The following NOL11 variants were observed in gnomAD, a reference collection of about 807,000 sequenced individuals.
The protein encoded by NOL11 is nucleolar protein 11.
In NOL11, 42 loss-of-function variants were observed where a neutral mutation model predicts 93.0. The observed-to-expected ratio is 0.45, with a 90% CI of 0.35 to 0.58. The LOEUF (loss-of-function observed/expected upper bound fraction) is 0.58, where lower values mean the gene tolerates loss of function less well. Among genes scored for constraint, NOL11 ranks in the 20% least tolerant of loss-of-function variants. NOL11 has a pLI of 0.00. For missense variants in NOL11, 775 were observed against 841.8 expected (o/e 0.92, Z 0.98); for synonymous variants, 296 against 293.7 (o/e 1.01, Z -0.08).
chr17:67,738,779 C>A, intron 14 of NOL11, 153 bp from the exon 15 acceptor site: 1 of 576,816 alleles, frequency 1.7e-6, no homozygotes. Flanking sequence ...CACATGATCT[C>A]CAATGATTAG....
In NOL11 at chr17:67,725,236, A is replaced by G. The variant is rs892221151; in HGVS notation, c.664+1043A>G. 3.3e-5 allele frequency among the ~76,000 whole-genome samples: 5 copies of G among 152,158 alleles called. No individual in the cohort carries two copies. The East Asian group carries it at 5.8e-4, about 18-fold the overall frequency. On this transcript the variant is annotated intron_variant, in intron 6 of 17. Coordinates refer to ENST00000253247, the MANE Select transcript of NOL11 (RefSeq NM_015462.5). ...GCCCCTCTGCTCCTTTTTTCCAACC[A>G]TTAGATTTAGTATGCCCTTCCTTGA... is the stretch of plus-strand genomic sequence containing the variant.
intron 15 of NOL11, 116 bp from the exon 16 acceptor site, chr17:67,739,400 C>G: frequency 1.6e-6 from 1 of 615,036 alleles, no homozygotes; most frequent in Non-Finnish European, 2.8e-6. Flanking sequence ...CTCCAGATGT[C>G]TGGCGTATTT....
chr17:67,737,720 C>A (rs147787290), intron 12 of NOL11, 28 bp downstream of exon 12: 1 of 1,596,210 alleles, frequency 6.3e-7, no homozygotes, highest in Non-Finnish European at 8.5e-7. Flanking sequence ...CCACACTGTA[C>A]GTGCATAATT....
rs766269065 is a variant in NOL11 at position 67,720,300 on chromosome 17, C to CT, written c.312+356dup. Reference sequence around the variant, plus strand: ...AAGTTTCGTGTATTGGTGTATTGTACTTTTTTTTTTTTTTTTTTGAGACGG... The same window carrying CT: ...AAGTTTCGTGTATTGGTGTATTGTACTTTTTTTTTTTTTTTTTTTGAGACGG... On this transcript the variant is annotated intron_variant, in intron 3 of 17. Coordinates refer to ENST00000253247, the MANE Select transcript of NOL11 (RefSeq NM_015462.5). 0.018 allele frequency: 2,420 copies of CT among 132,448 alleles called. 171 individuals are homozygous for CT. In the East Asian group the frequency reaches 0.25, roughly 14 times the overall value. The allele number at this position is 132,448 out of a possible 1,614,324, so 8.2% of individuals were successfully genotyped here.
rs768591011 is a variant in NOL11, at chr17:67,735,934, A to G, written c.965A>G (p.His322Arg). Reference sequence around the variant, plus strand: ...TATGGAGAACATTTGTTTATGCTACATGGAAAATCTCTAACTGTGATTCCA... The same window carrying G: ...TATGGAGAACATTTGTTTATGCTACGTGGAAAATCTCTAACTGTGATTCCA... ...WYYGEHLFMLHGKSLTVIPYK... is the reference protein window; with the variant it reads ...WYYGEHLFMLRGKSLTVIPYK... The change falls in exon 9 of 18, where the codon CAT becomes CGT. Residue 322 changes from histidine (H) to arginine (R), a missense_variant. His to Arg is a conservative substitution (Grantham distance 29). Around this residue, in one of 2 missense-constraint regions of NOL11, gnomAD observed 416 missense variants for 525.2 expected, o/e 0.79. Coordinates refer to ENST00000253247, the MANE Select transcript of NOL11 (RefSeq NM_015462.5). 26 of 1,611,832 alleles carry G rather than the reference A, an allele frequency of 1.6e-5. No homozygotes were observed. The highest frequency in any genetic ancestry group is 2.2e-5 in the East Asian group (1 of 44,814).
Position 67,734,938 on chromosome 17 carries a change from C to T in NOL11, c.930+499C>T, listed in dbSNP as rs1387494301. Among the ~76,000 whole-genome samples the T allele has an allele frequency of 2.0e-5, 3 of 152,072 alleles. No homozygotes were observed. In the East Asian group the frequency reaches 5.8e-4, roughly 29 times the overall value. On this transcript the variant is annotated intron_variant, in intron 8 of 17. Transcript: ENST00000253247. ...CACTTCCAAAATTCTAAATTTTTGC[C>T]AGAACAATTAGCTATTTAATAAAAC...
In NOL11 at chr17:67,719,920, G is replaced by T; in HGVS notation, c.270G>T (p.Trp90Cys). ...TTTGATTTAAGGTTTTAAGAATATGGAATAATGAAGATGTAAACCTGGATA... is the reference window on the plus strand; with the variant it reads ...TTTGATTTAAGGTTTTAAGAATATGTAATAATGAAGATGTAAACCTGGATA... ...VVHDNKVLRI[W>C]NNEDVNLDKV... The change falls in exon 3 of 18, where the codon TGG (tryptophan) becomes TGT (cysteine). Residue 90 changes from tryptophan (W) to cysteine (C), a missense_variant. Trp to Cys is a radical substitution (Grantham distance 215, BLOSUM62 -2). Coordinates refer to ENST00000253247, the MANE Select transcript of NOL11 (RefSeq NM_015462.5). 5.1e-6 allele frequency: 8 copies of T among 1,572,134 alleles called. No homozygotes were observed. Among genetic ancestry groups the T allele is most frequent in the Non-Finnish European group, 6.1e-6 (7 of 1,155,170 alleles).
At chr17:67,737,029 CT>C (rs775053834) in intron 10 of NOL11, 41 bp from the exon 11 acceptor site, 1 of 1,260,526 alleles carries the variant, frequency 7.9e-7, no homozygotes, top group Non-Finnish European at 1.2e-6. Context: ...TATTGGATCT[CT>C]TATATTGTTT....
chr17:67,730,255 TG>T (rs1555593273), intron 7 of NOL11, among the ~76,000 whole-genome samples: 1 of 148,122 alleles, frequency 6.8e-6, no homozygotes, highest in African/African-American at 2.6e-5. Flanking sequence ...TGTTGTTTTT[TG>T]TTTGTTTGTT....
intron 7 of NOL11, among the ~76,000 whole-genome samples, chr17:67,729,198 G>A (rs1372518147): frequency 2.6e-5 from 4 of 151,786 alleles, no homozygotes; most frequent in Admixed American, 2.0e-4. Flanking sequence ...AGGTTCAAGC[G>A]ATTCTCCTGC....
chr17:67,726,615 G>A lies in NOL11; in HGVS notation c.820G>A (p.Ala274Thr), dbSNP rs769009390. 7 of 1,612,806 alleles carry A rather than the reference G, an allele frequency of 4.3e-6. No individual in the cohort carries two copies. The South Asian group carries it at 4.4e-5, about 10-fold the overall frequency. ...CACTGCCCTGGATCAGGATCACGTC[G>A]CAGTCCTAGGAAGTCCACTAGCAGC... ...ALTALDQDHVAVLGSPLAASK... is the reference protein window; with the variant it reads ...ALTALDQDHVTVLGSPLAASK... The change falls in exon 7 of 18, where the codon GCA becomes ACA. Residue 274 changes from alanine (A) to threonine (T), a missense_variant. By Grantham distance (58) the Ala-to-Thr change is moderately conservative. Transcript: ENST00000253247.
chr17:67,738,469 G>T (rs781241607), intron 14 of NOL11, 114 bp downstream of exon 14: 1 of 677,770 alleles, frequency 1.5e-6, no homozygotes. Flanking sequence ...TTTTCCAATT[G>T]TTTTTTGTTT....
chr17:67,735,160 G>A (rs1164510251), intron 8 of NOL11, among the ~76,000 whole-genome samples: 5 of 152,074 alleles, frequency 3.3e-5, no homozygotes, highest in Non-Finnish European at 7.4e-5. Context: ...CCTGAGGCAG[G>A]GTTCCTTGTG....
chr17:67,739,276 A>G (rs1296175458), intron 15 of NOL11, among the ~76,000 whole-genome samples: 1 of 152,228 alleles, frequency 6.6e-6, no homozygotes, highest in East Asian at 1.9e-4. Flanking sequence ...AATTGCAGAC[A>G]GAAGGGTTCT....
In NOL11 at chr17:67,734,278, A is replaced by G. The variant is rs2055180746; in HGVS notation, c.854-85A>G. The G allele has an allele frequency of 5.4e-6, 4 of 738,512 alleles. No individual in the cohort carries two copies. The African/African-American group carries it at 7.1e-5, about 13-fold the overall frequency. The allele number at this position is 738,512 out of a possible 1,614,324, so 45.7% of individuals were successfully genotyped here. ...ATTTCTATACTAAAGCAAAGCATAT[A>G]TATTTAACTGTAACTCCCCCCTTCC... On this transcript the variant is annotated intron_variant, in intron 7 of 17. Transcript: ENST00000253247.
intron 5 of NOL11, among the ~76,000 whole-genome samples, chr17:67,723,701 G>C (rs2055058482): frequency 6.6e-6 from 1 of 150,912 alleles, no homozygotes; most frequent in South Asian, 2.1e-4. Flanking sequence ...ACTTTTTTAT[G>C]ACCTTTTAAA....
At chr17:67,721,773 A>G (rs1449499259) in intron 4 of NOL11, among the ~76,000 whole-genome samples, 2 of 152,196 alleles carry the variant, frequency 1.3e-5, no homozygotes, top group African/African-American at 4.8e-5. Context: ...GTGTTATCCC[A>G]AAAGACCAAA....
intron 6 of NOL11, 38 bp from the exon 7 acceptor site, chr17:67,726,422 T>C: frequency 6.5e-7 from 1 of 1,543,944 alleles, no homozygotes; most frequent in South Asian, 1.2e-5. Context: ...TATAGAAGTA[T>C]CCTTCAATAA....
At chr17:67,736,977 T>C in intron 10 of NOL11, 94 bp from the exon 11 acceptor site, 1 of 857,108 alleles carries the variant, frequency 1.2e-6, no homozygotes, top group Non-Finnish European at 1.9e-6. Context: ...AGAGCAAAAG[T>C]GTGCTAATCT....
Sources: allele counts gnomAD v4.1 joint callset (sites outside exome capture counted in the v4.1 genomes callset), GRCh38; gene constraint gnomAD v4.1.1; regional missense constraint gnomAD v4.1.1; transcripts MANE v1.5; gene names NCBI Gene and HGNC (gene_info 2026-07-23, HGNC 2026-07-21).